The following NPNT variants were observed in gnomAD, a reference collection of about 807,000 sequenced individuals.
The protein encoded by NPNT is nephronectin.
NPNT carries 45 observed loss-of-function variants against 68.6 expected under a neutral mutation model. The ratio of observed to expected loss-of-function variants is 0.66; its 90% CI spans 0.52 to 0.84. The LOEUF is 0.84. Among genes scored for constraint, NPNT ranks in the 40% least tolerant of loss-of-function variants. The probability of loss-of-function intolerance (pLI) is 0.00; values close to 1 mark genes in which losing one functional copy is unlikely to be tolerated. For missense variants in NPNT, 672 were observed against 714.8 expected (o/e 0.94, Z 0.68); for synonymous variants, 233 against 253.3 (o/e 0.92, Z 0.76).
chr4:105,937,966 C>G (rs1367096035), intron 4 of NPNT, among the ~76,000 whole-genome samples: 1 of 152,054 alleles, frequency 6.6e-6, no homozygotes, highest in East Asian at 1.9e-4. Context: ...CTGCTGTTCC[C>G]CTAGAGAAAT....
chr4:105,961,033 T>C (rs1342755253), intron 10 of NPNT, among the ~76,000 whole-genome samples: 1 of 152,166 alleles, frequency 6.6e-6, no homozygotes, highest in Non-Finnish European at 1.5e-5. Flanking sequence ...GAAAAGTTGA[T>C]CATGTTTTAT....
rs902458115 is a variant in NPNT at position 105,932,833 on chromosome 4, CA to C, written c.266-4175del. Reference sequence around the variant, plus strand: ...GCCTTCAGCCCTGAGCATGAGCAAGCAGCAGGAATTGCCACCTGGTGCTGAT... The same window carrying C: ...GCCTTCAGCCCTGAGCATGAGCAAGCGCAGGAATTGCCACCTGGTGCTGAT... On this transcript the variant is annotated intron_variant, in intron 3 of 11. Transcript: ENST00000379987. 29 of 605,316 alleles carry C rather than the reference CA, an allele frequency of 4.8e-5. No individual in the cohort carries two copies. The African/African-American group carries it at 5.0e-4, about 10-fold the overall frequency. The allele number at this position is 605,316 out of a possible 1,614,324, so 37.5% of individuals were successfully genotyped here. A position where few individuals can be genotyped will look rare whatever the true frequency, so the allele number is the denominator to read the frequency against.
In NPNT at chr4:105,898,380, C is replaced by CTCTCTCTCTCTCTT. The variant is rs58673636; in HGVS notation, c.172+379_172+380insTCTCTCTCTCTCTT. Among the ~76,000 whole-genome samples the CTCTCTCTCTCTCTT allele has an allele frequency of 3.6e-4, 40 of 112,522 alleles. 2 individuals carry two copies. The highest frequency in any genetic ancestry group is 1.5e-3 in the African/African-American group (35 of 23,048). The allele number at this position is 112,522 out of a possible 152,430, so 73.8% of individuals were successfully genotyped here. On this transcript the variant is annotated intron_variant, in intron 2 of 11. Transcript: ENST00000379987. ...TCTCTCTCTCTCTCTCTCTCTCTCT[C>CTCTCTCTCTCTCTT]GCTGACTCGCTTGCTCCAGGCTGGG...
intron 1 of NPNT, 43 bp from the exon 2 acceptor site, chr4:105,897,858 C>A (rs373752653): frequency 3.3e-5 from 49 of 1,481,986 alleles, no homozygotes; most frequent in Non-Finnish European, 4.4e-5. Flanking sequence ...TACCTTTCTT[C>A]TCAAAAGTGT....
intron 3 of NPNT, 22 bp from the exon 4 acceptor site, chr4:105,936,987 C>T (rs776843366): frequency 1.2e-6 from 2 of 1,605,618 alleles, no homozygotes; most frequent in Non-Finnish European, 1.7e-6. Context: ...AATTTTTCTG[C>T]TTCAACCCAC....
intron 3 of NPNT, among the ~76,000 whole-genome samples, chr4:105,932,130 TCATA>T (rs1339515647): frequency 3.3e-5 from 5 of 152,198 alleles, no homozygotes; most frequent in Admixed American, 2.6e-4. Context: ...TTTATGTAAA[TCATA>T]CATTTGTGCA....
intron 10 of NPNT, among the ~76,000 whole-genome samples, chr4:105,960,363 T>G (rs1432301129): frequency 1.3e-5 from 2 of 152,234 alleles, no homozygotes; most frequent in Non-Finnish European, 2.9e-5. Context: ...TCACTGTGAT[T>G]GCAGAGCAGC....
chr4:105,924,116 C>CCTCTAA (rs1185286093), intron 2 of NPNT, among the ~76,000 whole-genome samples: 2 of 151,644 alleles, frequency 1.3e-5, no homozygotes, highest in African/African-American at 4.8e-5. Context: ...TAACACACTG[C>CCTCTAA]CTCTAACACA....
chr4:105,900,805 T>G (rs1040850402), intron 2 of NPNT, among the ~76,000 whole-genome samples: 14 of 151,576 alleles, frequency 9.2e-5, no homozygotes, highest in Non-Finnish European at 1.8e-4. Flanking sequence ...TGTGTTTTCA[T>G]AGTTCTTTTG....
intron 11 of NPNT, 95 bp downstream of exon 11, chr4:105,967,539 T>C (rs1279587525): frequency 7.7e-7 from 1 of 1,301,636 alleles, no homozygotes; most frequent in East Asian, 2.6e-5. Flanking sequence ...CTGTGTGAAT[T>C]CAGGCTCAGA....
At chr4:105,927,506 A>G (rs1728783020) in intron 3 of NPNT, 78 bp downstream of exon 3, 3 of 800,272 alleles carry the variant, frequency 3.7e-6, no homozygotes, top group Non-Finnish European at 5.9e-6. Flanking sequence ...CTTATCTCAA[A>G]CTACTTTCCA....
At chr4:105,963,589 A>T (rs995391451) in intron 10 of NPNT, among the ~76,000 whole-genome samples, 1 of 151,950 alleles carries the variant, frequency 6.6e-6, no homozygotes, top group Non-Finnish European at 1.5e-5. Context: ...GATGCGCTGC[A>T]GGTATGTAGC....
chr4:105,897,848 T>C, intron 1 of NPNT, 53 bp from the exon 2 acceptor site: 1 of 1,401,636 alleles, frequency 7.1e-7, no homozygotes, highest in Non-Finnish European at 1.0e-6. Context: ...CAGAGGAAAT[T>C]ACCTTTCTTC....
chr4:105,933,176 G>T (rs1257332807), intron 3 of NPNT, among the ~76,000 whole-genome samples: 1 of 152,092 alleles, frequency 6.6e-6, no homozygotes, highest in South Asian at 2.1e-4. Context: ...CCTAAGTTCT[G>T]GTTCCAAGAG....
At chr4:105,926,142 T>G (rs1462115956) in intron 2 of NPNT, among the ~76,000 whole-genome samples, 1 of 152,184 alleles carries the variant, frequency 6.6e-6, no homozygotes, top group Non-Finnish European at 1.5e-5. Context: ...GCTTCAAGAT[T>G]CAACATAAGC....
At chr4:105,906,195 G>A (rs1726879727) in intron 2 of NPNT, among the ~76,000 whole-genome samples, 2 of 152,210 alleles carry the variant, frequency 1.3e-5, no homozygotes, top group Admixed American at 1.3e-4. Context: ...GGTAAAAGAT[G>A]TTATTGCTGA....
At chr4:105,912,948 A>G (rs1194666860) in intron 2 of NPNT, among the ~76,000 whole-genome samples, 5 of 152,066 alleles carry the variant, frequency 3.3e-5, no homozygotes, top group Non-Finnish European at 5.9e-5. Context: ...GCTTACTGCA[A>G]ACTCCGCCTC....
chr4:105,942,539 A>C lies in NPNT; in HGVS notation c.996A>C (p.Pro332=). The C allele has an allele frequency of 1.2e-6, 2 of 1,613,516 alleles. No homozygotes were observed. Among genetic ancestry groups the C allele is most frequent in the Non-Finnish European group, 1.7e-6 (2 of 1,179,920 alleles). ...CAATTCCTACTCCACCACCACCACC[A>C]CCCCTGCCAACAGAGCTCAGAACAC... ...PTPIPTPPPP[P]PLPTELRTPL... Residue 332 remains proline (P), a synonymous_variant, in exon 8 of 12, where the codon CCA becomes CCC. Transcript: ENST00000379987.
chr4:105,938,777 T>A (rs1729701311), intron 5 of NPNT, among the ~76,000 whole-genome samples: 2 of 152,190 alleles, frequency 1.3e-5, no homozygotes, highest in South Asian at 4.1e-4. Flanking sequence ...TTGTATGTGT[T>A]GTTCTTCAGG....
Sources: allele counts gnomAD v4.1 joint callset (sites outside exome capture counted in the v4.1 genomes callset), GRCh38; gene constraint gnomAD v4.1.1; transcripts MANE v1.5; gene names NCBI Gene and HGNC (gene_info 2026-07-23, HGNC 2026-07-21).